NRXN1: variants seen among roughly 807,000 people sequenced by gnomAD.
NRXN1 encodes the protein neurexin-1.
NRXN1 carries 39 observed loss-of-function variants against 150.9 expected under a neutral mutation model. The ratio of observed to expected loss-of-function variants is 0.26; its 90% CI spans 0.20 to 0.34. NRXN1 has a LOEUF of 0.34. Among genes scored for constraint, NRXN1 ranks in the 10% least tolerant of loss-of-function variants. NRXN1 has a pLI of 1.00. For synonymous variants in NRXN1, 924 were observed against 757.0 expected (o/e 1.22, Z -3.62); for missense variants, 1,815 against 1,949.9 (o/e 0.93, Z 1.30).
chr2:50,497,861 T>C (rs2091729943), intron 13 of NRXN1, 147 bp from the exon 14 acceptor site: 7 of 657,532 alleles, frequency 1.1e-5, no homozygotes, highest in Non-Finnish European at 1.8e-5. Flanking sequence ...ACTTAAATGA[T>C]GCCAAAAGGT....
chr2:51,017,236 C>T (rs1294796685), intron 2 of NRXN1, among the ~76,000 whole-genome samples: 3 of 151,636 alleles, frequency 2.0e-5, no homozygotes, highest in Non-Finnish European at 2.9e-5. Flanking sequence ...CCGTGTATCC[C>T]GGAACTTAAA....
intron 19 of NRXN1, among the ~76,000 whole-genome samples, chr2:50,082,545 G>T (rs943705076): frequency 6.6e-6 from 1 of 152,054 alleles, no homozygotes; most frequent in African/African-American, 2.4e-5. Context: ...TTGATGGGTT[G>T]GTTTCTAAGT....
intron 18 of NRXN1, among the ~76,000 whole-genome samples, chr2:50,118,765 G>A (rs565043133): frequency 3.9e-5 from 6 of 152,310 alleles, no homozygotes; most frequent in Admixed American, 2.6e-4. Flanking sequence ...CAGATTTTCA[G>A]ATTTAGCTGC....
chr2:50,468,292 C>G lies in NRXN1; in HGVS notation c.3245-2731G>C, dbSNP rs546035187. Among the ~76,000 whole-genome samples the G allele has an allele frequency of 1.4e-4, 21 of 151,672 alleles. No homozygotes were observed. The East Asian group carries it at 3.9e-3, about 28-fold the overall frequency. On this transcript the variant is annotated intron_variant, in intron 16 of 22. Coordinates refer to ENST00000401669, the MANE Select transcript of NRXN1 (RefSeq NM_001330078.2). ...ATAATCTGCCCATATTGTAGAGCAG[C>G]AACTCAGAGTACCTGCCAAGCTTCT...
At chr2:50,345,179 G>A (rs1337964783) in intron 17 of NRXN1, among the ~76,000 whole-genome samples, 1 of 152,148 alleles carries the variant, frequency 6.6e-6, no homozygotes, top group African/African-American at 2.4e-5. Context: ...AGAATTTCTG[G>A]GAGAGAACTA....
chr2:50,633,389 G>T (rs891976112), intron 5 of NRXN1, among the ~76,000 whole-genome samples: 2 of 152,112 alleles, frequency 1.3e-5, no homozygotes, highest in Admixed American at 6.6e-5. Flanking sequence ...ATTAAGTAGA[G>T]GAGAGGGTAA....
chr2:50,513,939 A>G (rs1218471095), intron 12 of NRXN1, among the ~76,000 whole-genome samples: 1 of 152,210 alleles, frequency 6.6e-6, no homozygotes, highest in African/African-American at 2.4e-5. Flanking sequence ...CTAGTGGTGC[A>G]TATATTTTAA....
At chr2:50,328,478 T>C (rs1295072914) in intron 17 of NRXN1, among the ~76,000 whole-genome samples, 1 of 152,114 alleles carries the variant, frequency 6.6e-6, no homozygotes, top group African/African-American at 2.4e-5. Flanking sequence ...GGCTCACACC[T>C]ATAATCCCAG....
intron 18 of NRXN1, among the ~76,000 whole-genome samples, chr2:50,151,590 C>T (rs879086997): frequency 6.6e-6 from 1 of 151,386 alleles, no homozygotes; most frequent in Admixed American, 6.6e-5. Flanking sequence ...AGCTCCAAAG[C>T]TTTAAAACAA....
chr2:50,042,166 A>T (rs1363048), intron 21 of NRXN1, among the ~76,000 whole-genome samples: 54,950 of 152,064 alleles, frequency 0.36, 10,490 homozygotes, highest in East Asian at 0.57. Context: ...TATATATACC[A>T]TCTTTATTCT....
At chr2:50,976,777 C>G (rs1695913360) in intron 2 of NRXN1, among the ~76,000 whole-genome samples, 1 of 151,772 alleles carries the variant, frequency 6.6e-6, no homozygotes, top group Non-Finnish European at 1.5e-5. Flanking sequence ...TCAGTAAGAT[C>G]AAAATTGAGC....
intron 5 of NRXN1, among the ~76,000 whole-genome samples, chr2:50,675,147 A>T (rs942519051): frequency 2.0e-5 from 3 of 152,138 alleles, no homozygotes; most frequent in Non-Finnish European, 4.4e-5. Flanking sequence ...AGATGCTGGC[A>T]TCATGCTTCC....
At chr2:50,140,353 G>C (rs1007684699) in intron 18 of NRXN1, among the ~76,000 whole-genome samples, 2 of 152,038 alleles carry the variant, frequency 1.3e-5, no homozygotes, top group Non-Finnish European at 1.5e-5. Context: ...ACCTGACCAT[G>C]TTACTCTTCT....
intron 18 of NRXN1, among the ~76,000 whole-genome samples, chr2:50,219,698 G>C (rs894206009): frequency 2.0e-5 from 3 of 150,258 alleles, no homozygotes; most frequent in Non-Finnish European, 4.4e-5. Context: ...ACCAACCTGG[G>C]CAACATGGTG....
At chr2:50,329,044 A>G (rs1223543755) in intron 17 of NRXN1, among the ~76,000 whole-genome samples, 3 of 152,330 alleles carry the variant, frequency 2.0e-5, no homozygotes, top group African/African-American at 4.8e-5. Context: ...GAAGTTAACA[A>G]TAGAGAAAAA....
intron 21 of NRXN1, among the ~76,000 whole-genome samples, chr2:49,964,044 T>C (rs1437501852): frequency 1.3e-5 from 2 of 152,180 alleles, no homozygotes; most frequent in Non-Finnish European, 2.9e-5. Flanking sequence ...AGAGGCACAA[T>C]GCTTCTAAAG....
chr2:50,391,760 A>C (rs1175341318), intron 17 of NRXN1, among the ~76,000 whole-genome samples: 1 of 152,182 alleles, frequency 6.6e-6, no homozygotes, highest in Non-Finnish European at 1.5e-5. Context: ...CAGAAGAATA[A>C]GAATTAAAAT....
intron 18 of NRXN1, among the ~76,000 whole-genome samples, chr2:50,134,052 C>A (rs1705987990): frequency 6.6e-6 from 1 of 152,044 alleles, no homozygotes; most frequent in African/African-American, 2.4e-5. Context: ...ACAAACAAAC[C>A]TATTCTTGTA....
intron 21 of NRXN1, among the ~76,000 whole-genome samples, chr2:50,037,758 A>G (rs1416159622): frequency 6.6e-6 from 1 of 152,208 alleles, no homozygotes; most frequent in African/African-American, 2.4e-5. Flanking sequence ...AACTGGGAAG[A>G]TTAAAAGATT....
Sources: allele counts gnomAD v4.1 joint callset (sites outside exome capture counted in the v4.1 genomes callset), GRCh38; gene constraint gnomAD v4.1.1; transcripts MANE v1.5; gene names NCBI Gene and HGNC (gene_info 2026-07-23, HGNC 2026-07-21).